DDX47: variants seen among roughly 807,000 people sequenced by gnomAD.
DDX47 encodes the protein probable ATP-dependent RNA helicase DDX47.
In DDX47, 60 loss-of-function variants were observed where a neutral mutation model predicts 58.8. That is an observed-to-expected ratio of 1.02 (90% confidence interval 0.83 to 1.26). DDX47 has a LOEUF of 1.26. DDX47 is among the 50% of genes most tolerant of loss of function. The probability of loss-of-function intolerance (pLI) is 0.00; values close to 1 mark genes in which losing one functional copy is unlikely to be tolerated. For missense variants in DDX47, 530 were observed against 573.2 expected (o/e 0.92, Z 0.77); for synonymous variants, 197 against 204.6 (o/e 0.96, Z 0.32).
intron 9 of DDX47, 51 bp downstream of exon 9, chr12:12,824,728 T>C (rs781226586): frequency 6.4e-7 from 1 of 1,560,378 alleles, no homozygotes; most frequent in Non-Finnish European, 8.8e-7. Flanking sequence ...TATTTCTTAA[T>C]GGACTGTCTT....
In DDX47 at chr12:12,821,443, A is replaced by G; in HGVS notation, c.370+47A>G. 3 of 1,602,000 alleles carry G rather than the reference A, an allele frequency of 1.9e-6. No individual in the cohort carries two copies. The African/African-American group carries it at 4.0e-5, about 21-fold the overall frequency. On this transcript the variant is annotated intron_variant, in intron 3 of 11. Transcript: ENST00000358007. ...GATCCTAGGTTGCCATCACAAGTGA[A>G]GAATGAGTGTGGAGGAAGGAGAATG...
chr12:12,816,814 G>A (rs1243567311), intron 2 of DDX47, among the ~76,000 whole-genome samples: 1 of 152,192 alleles, frequency 6.6e-6, no homozygotes, highest in East Asian at 1.9e-4. Flanking sequence ...GCGGCCCAGT[G>A]TTACTTTTAA....
rs557263988 is a variant in DDX47, at chr12:12,828,104, C to G, written c.1236+729C>G. Reference sequence around the variant, plus strand: ...AACTTCTGACCTCAGGTAATCCCCCCGCCTCGGCCTCCCAAAGTGCTGGGA... The same window carrying G: ...AACTTCTGACCTCAGGTAATCCCCCGGCCTCGGCCTCCCAAAGTGCTGGGA... On this transcript the variant is annotated intron_variant, in intron 11 of 11. Transcript: ENST00000358007. 6.6e-4 allele frequency among the ~76,000 whole-genome samples: 100 copies of G among 151,998 alleles called. 1 individual carries two copies. In the South Asian group the frequency reaches 0.013, roughly 20 times the overall value.
chr12:12,822,172 C>T, intron 5 of DDX47, 89 bp downstream of exon 5: 1 of 788,862 alleles, frequency 1.3e-6, no homozygotes, highest in Non-Finnish European at 2.2e-6. Context: ...TCATGTAGAA[C>T]ATTGCATTAG....
chr12:12,827,956 A>ACCTCCG (rs1863081199), intron 11 of DDX47, among the ~76,000 whole-genome samples: 1 of 143,678 alleles, frequency 7.0e-6, no homozygotes, highest in Non-Finnish European at 1.5e-5. Flanking sequence ...GCTCACCACA[A>ACCTCCG]CCTCCGCCTC....
intron 8 of DDX47, 89 bp from the exon 9 acceptor site, chr12:12,824,451 T>A: frequency 6.9e-7 from 1 of 1,447,862 alleles, no homozygotes; most frequent in African/African-American, 1.4e-5. Context: ...AAAAAATTTA[T>A]GTCTGTTTGT....
intron 11 of DDX47, 141 bp downstream of exon 11, chr12:12,827,516 A>C: frequency 3.0e-6 from 3 of 1,001,904 alleles, no homozygotes; most frequent in Non-Finnish European, 4.5e-6. Context: ...TAAGGTGCAG[A>C]GATGGTAGGT....
rs561388654 is a variant in DDX47, at chr12:12,813,350, C to T, written c.-18C>T. The T allele has an allele frequency of 1.2e-6, 2 of 1,610,610 alleles. No homozygotes were observed. The highest frequency in any genetic ancestry group is 2.7e-5 in the African/African-American group (2 of 74,944). On this transcript the variant is annotated 5_prime_UTR_variant, in exon 1 of 12. Transcript: ENST00000358007. ...CATCCCGCGCGCCGCAGACCCACTT[C>T]CGGAGACCTCACACAAGATGGCGGC...
chr12:12,815,630 C>T (rs1246339050), intron 2 of DDX47, among the ~76,000 whole-genome samples: 1 of 151,938 alleles, frequency 6.6e-6, no homozygotes, highest in Non-Finnish European at 1.5e-5. Context: ...TTTAGACATT[C>T]AGATATGATG....
chr12:12,818,237 A>T (rs1862924775), intron 2 of DDX47, among the ~76,000 whole-genome samples: 2 of 152,090 alleles, frequency 1.3e-5, no homozygotes, highest in Non-Finnish European at 2.9e-5. Context: ...AAATCAGTCC[A>T]TTGGCTGGGC....
Position 12,814,114 on chromosome 12 carries a change from T to A in DDX47, c.88-17T>A, listed in dbSNP as rs1210600041. ...GTGTGCTGTTCTTGGCTAAGGTATA[T>A]TTTTCTGAATTCCAAGGGTGTGACA... On this transcript the variant is annotated splice_polypyrimidine_tract_variant and intron_variant, in intron 1 of 11. Transcript: ENST00000358007. The A allele has an allele frequency of 6.3e-7, 1 of 1,585,130 alleles. No individual in the cohort carries two copies. Among genetic ancestry groups the A allele is most frequent in the East Asian group, 2.2e-5 (1 of 44,704 alleles).
intron 2 of DDX47, among the ~76,000 whole-genome samples, chr12:12,820,090 C>A (rs936617347): frequency 2.0e-5 from 3 of 152,214 alleles, no homozygotes; most frequent in African/African-American, 7.2e-5. Flanking sequence ...TAATAGGGAG[C>A]ATTCTCACTG....
At chr12:12,826,556 C>T (rs569586005) in intron 10 of DDX47, among the ~76,000 whole-genome samples, 3 of 152,018 alleles carry the variant, frequency 2.0e-5, no homozygotes, top group East Asian at 3.9e-4. Flanking sequence ...AATCCTCCTA[C>T]CTCACCATAG....
At chr12:12,814,073 T>C in intron 1 of DDX47, 58 bp from the exon 2 acceptor site, 1 of 1,046,398 alleles carries the variant, frequency 9.6e-7, no homozygotes, top group East Asian at 2.4e-5. Flanking sequence ...GTCAGTTAAG[T>C]AGGAGGGAGG....
chr12:12,828,651 C>T (rs1289072663), intron 11 of DDX47, among the ~76,000 whole-genome samples: 2 of 152,056 alleles, frequency 1.3e-5, no homozygotes, highest in African/African-American at 4.8e-5. Flanking sequence ...TTTATTCTGT[C>T]CACATGGGAT....
At chr12:12,817,254 C>G (rs73285349) in intron 2 of DDX47, among the ~76,000 whole-genome samples, 18,902 of 152,150 alleles carry the variant, frequency 0.12, 1,254 homozygotes, top group African/African-American at 0.17. Flanking sequence ...ATGGTAGTTA[C>G]GGATAATTAT....
At position 12,821,977 on chromosome 12, in the gene DDX47, G is replaced by A. The variant is rs770402879; in HGVS notation, c.455G>A (p.Arg152Gln). 2 of 1,612,226 alleles carry A rather than the reference G, an allele frequency of 1.2e-6. No homozygotes were observed. The highest frequency in any genetic ancestry group is 1.1e-5 in the South Asian group (1 of 90,998). ...KPHIIIATPGRLIDHLENTKG... is the reference protein window; with the variant it reads ...KPHIIIATPGQLIDHLENTKG... Reference sequence around the variant, plus strand: ...CCTTTCTTGGTAGCAACTCCTGGTCGACTGATTGACCACTTGGAAAATACG... The same window carrying A: ...CCTTTCTTGGTAGCAACTCCTGGTCAACTGATTGACCACTTGGAAAATACG... The change falls in exon 5 of 12, where the codon CGA (arginine) becomes CAA (glutamine). Residue 152 changes from arginine to glutamine, a missense_variant. Arg to Gln is a conservative substitution (Grantham distance 43). Transcript: ENST00000358007.
chr12:12,826,093 C>G (rs141941335), intron 10 of DDX47, 23 bp downstream of exon 10: 7 of 1,604,332 alleles, frequency 4.4e-6, no homozygotes, highest in Admixed American at 1.7e-5. Flanking sequence ...GCTTTAGGGC[C>G]GAGCAATGTA....
At chr12:12,818,019 T>C (rs917112118) in intron 2 of DDX47, among the ~76,000 whole-genome samples, 19 of 152,340 alleles carry the variant, frequency 1.2e-4, no homozygotes, top group Admixed American at 7.8e-4. Flanking sequence ...GAAGGTGTAT[T>C]GTGTTACACA....
Sources: allele counts gnomAD v4.1 joint callset (sites outside exome capture counted in the v4.1 genomes callset), GRCh38; gene constraint gnomAD v4.1.1; transcripts MANE v1.5; gene names NCBI Gene and HGNC (gene_info 2026-07-23, HGNC 2026-07-21).